LANCL3: variants seen among roughly 807,000 people sequenced by gnomAD.
LANCL3 encodes the protein LanC like family member 3.
Under a neutral mutation model 26.5 loss-of-function variants are expected in LANCL3, and 19 were observed. The observed-to-expected ratio is 0.72, with a 90% CI of 0.50 to 1.05. LANCL3 has a LOEUF of 1.05. Ranked by LOEUF, LANCL3 falls within the 50% of genes least tolerant of loss-of-function variation. The pLI is 0.00. For synonymous variants in LANCL3, 160 were observed against 166.6 expected (o/e 0.96, Z 0.30); for missense variants, 318 against 362.7 (o/e 0.88, Z 1.00).
intron 1 of LANCL3, among the ~76,000 whole-genome samples, chrX:37,576,002 T>G (rs1923734993): frequency 8.9e-6 from 1 of 112,061 alleles, no homozygotes; most frequent in Non-Finnish European, 1.9e-5. Context: ...GTCATGTAAC[T>G]GATTCTATTT....
chrX:37,647,815 A>G (rs1270579583), intron 1 of LANCL3, among the ~76,000 whole-genome samples: 1 of 112,608 alleles, frequency 8.9e-6, no homozygotes, highest in Non-Finnish European at 1.9e-5. Context: ...TCACCTTAAG[A>G]CGCATACTCC....
chrX:37,656,270 G>C (rs782391578), intron 2 of LANCL3, among the ~76,000 whole-genome samples: 5 of 109,569 alleles, frequency 4.6e-5, no homozygotes, highest in African/African-American at 6.7e-5. Flanking sequence ...AGGGAAATTA[G>C]TTACTCTTCT....
intron 1 of LANCL3, among the ~76,000 whole-genome samples, chrX:37,607,738 A>AT (rs1275387928): frequency 2.7e-5 from 3 of 112,174 alleles, no homozygotes; most frequent in African/African-American, 6.5e-5. Flanking sequence ...TAGGGAGAAT[A>AT]TTTTTATGAA....
chrX:37,628,083 T>G (rs1925366689), intron 1 of LANCL3, among the ~76,000 whole-genome samples: 1 of 111,966 alleles, frequency 8.9e-6, no homozygotes. Flanking sequence ...TGTGGGTCTT[T>G]AACAGCTAAA....
intron 1 of LANCL3, among the ~76,000 whole-genome samples, chrX:37,602,248 G>T (rs1556420094): frequency 5.3e-5 from 6 of 112,272 alleles, no homozygotes; most frequent in Non-Finnish European, 1.1e-4. Flanking sequence ...AAAGCAGTTT[G>T]CAAATTCAAC....
chrX:37,632,322 C>G (rs1401821467), intron 1 of LANCL3, among the ~76,000 whole-genome samples: 1 of 111,517 alleles, frequency 9.0e-6, no homozygotes, highest in East Asian at 2.8e-4. Flanking sequence ...CTTCCTCCAT[C>G]CTTTTATTTT....
At chrX:37,597,946 A>G (rs1556419650) in intron 1 of LANCL3, among the ~76,000 whole-genome samples, 2 of 110,314 alleles carry the variant, frequency 1.8e-5, no homozygotes, top group Non-Finnish European at 1.9e-5. Context: ...TCATGTGCTT[A>G]TTGGCCATTT....
At chrX:37,600,845 C>A (rs1417404134) in intron 1 of LANCL3, among the ~76,000 whole-genome samples, 2 of 111,332 alleles carry the variant, frequency 1.8e-5, no homozygotes, top group African/African-American at 3.3e-5. Flanking sequence ...TGAACCCCTG[C>A]TTTTGTAAGG....
intron 1 of LANCL3, among the ~76,000 whole-genome samples, chrX:37,609,414 A>T (rs940509354): frequency 8.9e-6 from 1 of 111,930 alleles, no homozygotes; most frequent in Non-Finnish European, 1.9e-5. Flanking sequence ...AAGGAGGTGG[A>T]GAATCGGGAA....
chrX:37,632,869 C>G (rs782046121), intron 1 of LANCL3, among the ~76,000 whole-genome samples: 49 of 111,743 alleles, frequency 4.4e-4, no homozygotes, highest in African/African-American at 1.6e-3. Flanking sequence ...CGACCTTTCT[C>G]TCTGGCTGCC....
chrX:37,682,124 A>G lies in LANCL3; in HGVS notation c.*6311A>G, dbSNP rs1926952161. ...TTTTTTATTTTTTTTTTTTTTTGAG[A>G]CGGAGTCTCGCTCTGTCGCCCAGGC... On this transcript the variant is annotated 3_prime_UTR_variant, in exon 5 of 5. Transcript: ENST00000378619. The G allele has an allele frequency of 1.0e-5, 1 of 95,429 alleles. No individual in the cohort carries two copies. Among genetic ancestry groups the G allele is most frequent in the African/African-American group, 4.0e-5 (1 of 25,215 alleles). The allele number at this position is 95,429 out of a possible 1,213,427, so 7.9% of individuals were successfully genotyped here.
At position 37,677,281 on chromosome X, in the gene LANCL3, TA is replaced by T. The variant is rs1174485133; in HGVS notation, c.*1473del. Reference sequence around the variant, plus strand: ...ACGAGTTAGGGAATGCTCTGTTGCCTAAAAAGCAAACCTACAAGTATGTTGG... The same window carrying T: ...ACGAGTTAGGGAATGCTCTGTTGCCTAAAAGCAAACCTACAAGTATGTTGG... On this transcript the variant is annotated 3_prime_UTR_variant, in exon 5 of 5. Coordinates refer to ENST00000378619, the MANE Select transcript of LANCL3 (RefSeq NM_001170331.2). 9.1e-6 allele frequency: 1 copy of T among 110,075 alleles called. No individual in the cohort carries two copies. Among genetic ancestry groups the T allele is most frequent in the Non-Finnish European group, 1.9e-5 (1 of 52,692 alleles). 9.1% of individuals were successfully genotyped at this position (110,075 alleles called of 1,213,427 possible). A position where few individuals can be genotyped will look rare whatever the true frequency, so the allele number is the denominator to read the frequency against.
chrX:37,580,702 C>A (rs61174636), intron 1 of LANCL3, among the ~76,000 whole-genome samples: 11,934 of 110,360 alleles, frequency 0.11, 669 homozygotes, highest in African/African-American at 0.21. Flanking sequence ...CCCTTTCCCT[C>A]CCCATTTCCC....
intron 1 of LANCL3, among the ~76,000 whole-genome samples, chrX:37,637,885 T>C (rs1049845903): frequency 9.9e-5 from 11 of 111,108 alleles, no homozygotes; most frequent in African/African-American, 3.3e-4. Flanking sequence ...TTGGCCCTGC[T>C]CCTTCAGCTA....
intron 1 of LANCL3, among the ~76,000 whole-genome samples, chrX:37,582,291 T>G (rs1556417144): frequency 1.8e-5 from 2 of 112,054 alleles, no homozygotes; most frequent in African/African-American, 6.5e-5. Flanking sequence ...CCTCTGGGTG[T>G]ATACCCGGTA....
intron 1 of LANCL3, among the ~76,000 whole-genome samples, chrX:37,601,846 A>G (rs1433316265): frequency 8.9e-6 from 1 of 112,055 alleles, no homozygotes; most frequent in African/African-American, 3.2e-5. Flanking sequence ...GAACTGTTAC[A>G]TGGCCATGTA....
chrX:37,656,332 C>T (rs1452461994), intron 2 of LANCL3, among the ~76,000 whole-genome samples: 1 of 111,117 alleles, frequency 9.0e-6, no homozygotes, highest in Non-Finnish European at 1.9e-5. Context: ...TTGCAAGGCC[C>T]TTTATGGACC....
Position 37,662,482 on chromosome X carries a change from A to G in LANCL3, c.895+2823A>G, listed in dbSNP as rs1436511199. 4.5e-5 allele frequency among the ~76,000 whole-genome samples: 5 copies of G among 111,497 alleles called. No individual in the cohort carries two copies. In the East Asian group the frequency reaches 1.1e-3, roughly 25 times the overall value. On this transcript the variant is annotated intron_variant, in intron 3 of 4. Coordinates refer to ENST00000378619, the MANE Select transcript of LANCL3 (RefSeq NM_001170331.2). ...ACAACAAGGCTTTTGCAGTGCAGAT[A>G]TCGTTGGTCATTAAGCTCTGTAGTG...
chrX:37,680,124 G>A lies in LANCL3; in HGVS notation c.*4311G>A, dbSNP rs1048730533. 24 of 111,614 alleles carry A rather than the reference G, an allele frequency of 2.2e-4. No individual in the cohort carries two copies. The highest frequency in any genetic ancestry group is 6.2e-4 in the African/African-American group (19 of 30,653). 9.2% of individuals were successfully genotyped at this position (111,614 alleles called of 1,213,427 possible). A position where few individuals can be genotyped will look rare whatever the true frequency, so the allele number is the denominator to read the frequency against. On this transcript the variant is annotated 3_prime_UTR_variant, in exon 5 of 5. Coordinates refer to ENST00000378619, the MANE Select transcript of LANCL3 (RefSeq NM_001170331.2). The stretch of plus-strand genomic sequence containing the variant: ...CAGCTGGATTACCCTTTGGACAGAA[G>A]GGCAGACAACCTCAAGGTCAGCAGC...
Sources: gnomAD v4.1 joint callset for allele counts (sites outside exome capture counted in the v4.1 genomes callset) on GRCh38, gnomAD v4.1.1 for gene constraint, MANE v1.5 for transcripts, NCBI Gene and HGNC (gene_info 2026-07-23, HGNC 2026-07-21) for gene names.